Variants in MCFD2 observed in about 807,000 individuals in gnomAD.
MCFD2 encodes the protein multiple coagulation factor deficiency protein 2.
Under a neutral mutation model 12.8 loss-of-function variants are expected in MCFD2, and 11 were observed. That is an observed-to-expected ratio of 0.86 (90% CI 0.54 to 1.42). The LOEUF is 1.42. Among genes scored for constraint, MCFD2 ranks in the 40% most tolerant of loss-of-function variants. The pLI is 0.00. For synonymous variants in MCFD2, 70 were observed against 68.1 expected (o/e 1.03, Z -0.14); for missense variants, 191 against 178.6 (o/e 1.07, Z -0.40).
At position 46,941,734 on chromosome 2, in the gene MCFD2, G is replaced by T; in HGVS notation, c.-170C>A. On this transcript the variant is annotated 5_prime_UTR_variant, in exon 1 of 3. Coordinates refer to the MCFD2 transcript ENST00000409147. This position sits in a 1 kb window ranked among gnomAD's most constrained non-coding sequence, Gnocchi z 4.2. ...CACCTTTCCGGACACCGGTGAGTAA[G>T]GGAAGAGGCTGGCTCGCCGGCAGCG... The T allele has an allele frequency of 6.5e-7, 1 of 1,549,182 alleles. No individual in the cohort carries two copies. Among genetic ancestry groups the T allele is most frequent in the Non-Finnish European group, 8.7e-7 (1 of 1,146,598 alleles).
upstream of MCFD2, chr2:46,916,073 CA>C: frequency 1.0e-6 from 1 of 985,500 alleles, no homozygotes; most frequent in Non-Finnish European, 1.2e-6. Context: ...CGGAAGCCCT[CA>C]GGAACGTAGT....
At chr2:46,917,966 C>A (rs1278432294), upstream of MCFD2, among the ~76,000 whole-genome samples, 2 of 152,184 alleles carry the variant, frequency 1.3e-5, no homozygotes, top group East Asian at 3.8e-4. Flanking sequence ...TTCTGAGTCA[C>A]CTTCTCTATC....
At chr2:46,915,679 C>T (rs898494135) in intron 1 of MCFD2, 44 bp downstream of exon 1, 5 of 789,192 alleles carry the variant, frequency 6.3e-6, no homozygotes, top group Non-Finnish European at 7.7e-6. Flanking sequence ...ACAGGAGAGG[C>T]GCCGGGATCC....
In MCFD2 at chr2:46,908,670, G is replaced by C. The variant is rs113033916; in HGVS notation, c.149+353C>G. 1.7e-5 allele frequency: 6 copies of C among 357,958 alleles called. 1 individual carries two copies. The highest frequency in any genetic ancestry group is 1.0e-4 in the African/African-American group (5 of 47,666). 22.2% of individuals were successfully genotyped at this position (357,958 alleles called of 1,614,324 possible). A position where few individuals can be genotyped will look rare whatever the true frequency, so the allele number is the denominator to read the frequency against. ...AATGTGTTGATTTAAAAAAGGTCTT[G>C]TTATAGTCAAGAAACCTTAGCTATT... On this transcript the variant is annotated intron_variant, in intron 2 of 3. Coordinates refer to ENST00000319466, the MANE Select transcript of MCFD2 (RefSeq NM_139279.6). This position sits in a 1 kb window ranked among gnomAD's most constrained non-coding sequence, Gnocchi z 4.5.
chr2:46,906,477 T>A (rs1397799485), intron 3 of MCFD2, among the ~76,000 whole-genome samples: 1 of 110,892 alleles, frequency 9.0e-6, no homozygotes, highest in African/African-American at 3.9e-5. Context: ...GCACGAGGAT[T>A]TTTTTTTTTT....
At chr2:46,932,204 C>T (rs1229449001) in intron 1 of MCFD2, among the ~76,000 whole-genome samples, 1 of 151,250 alleles carries the variant, frequency 6.6e-6, no homozygotes, top group African/African-American at 2.4e-5. Context: ...GGCTGGAGTG[C>T]AGTGGCGGGG....
chr2:46,920,613 G>T (rs919981054), upstream of MCFD2, among the ~76,000 whole-genome samples: 8 of 150,234 alleles, frequency 5.3e-5, no homozygotes, highest in Non-Finnish European at 1.2e-4. Flanking sequence ...TTATAGGCAT[G>T]AACCACCATG....
Position 46,908,984 on chromosome 2 carries a change from G to A in MCFD2, c.149+39C>T. On this transcript the variant is annotated intron_variant, in intron 2 of 3. Transcript: ENST00000319466. This position sits in a 1 kb window ranked among gnomAD's most constrained non-coding sequence, Gnocchi z 4.5. The stretch of plus-strand genomic sequence containing the variant: ...TGCCGCTGGCTCAGCTGCAGATGAT[G>A]GGGAGGCCACTGGACCACAGCCCGG... The A allele has an allele frequency of 1.2e-6, 2 of 1,613,792 alleles. No individual in the cohort carries two copies. The highest frequency in any genetic ancestry group is 1.7e-6 in the Non-Finnish European group (2 of 1,179,736).
At chr2:46,933,032 A>G (rs1669793690) in intron 1 of MCFD2, among the ~76,000 whole-genome samples, 1 of 152,118 alleles carries the variant, frequency 6.6e-6, no homozygotes, top group South Asian at 2.1e-4. Flanking sequence ...GCTAAGCTGC[A>G]CTGAAAAGGC....
rs149363149 is a variant in MCFD2, at chr2:46,904,894, C to T, written c.*569G>A. The T allele has an allele frequency of 3.4e-3, 657 of 192,042 alleles. 3 individuals are homozygous for T. Among genetic ancestry groups the T allele is most frequent in the African/African-American group, 0.015 (630 of 42,336 alleles). The allele number at this position is 192,042 out of a possible 1,614,324, so 11.9% of individuals were successfully genotyped here. Reference sequence around the variant, plus strand: ...ATGATATGGTTTGGCTATGTCCCCACCCAAATCTCAACTTGAAATTGTATC... The same window carrying T: ...ATGATATGGTTTGGCTATGTCCCCATCCAAATCTCAACTTGAAATTGTATC... On this transcript the variant is annotated 3_prime_UTR_variant, in exon 4 of 4. Transcript: ENST00000319466.
chr2:46,905,782 T>C, intron 3 of MCFD2, 188 bp from the exon 4 acceptor site: 1 of 651,640 alleles, frequency 1.5e-6, no homozygotes, highest in South Asian at 1.7e-5. Flanking sequence ...AGTATGGGGC[T>C]ACTTCTAGGA....
chr2:46,936,859 ATTT>A (rs67502094), intron 1 of MCFD2, among the ~76,000 whole-genome samples: 2 of 142,880 alleles, frequency 1.4e-5, no homozygotes, highest in Non-Finnish European at 1.5e-5. Flanking sequence ...AGGATTCCAA[ATTT>A]TTTTTTTTTT....
At chr2:46,923,995 C>T (rs1669252533) in intron 1 of MCFD2, among the ~76,000 whole-genome samples, 1 of 151,932 alleles carries the variant, frequency 6.6e-6, no homozygotes, top group Non-Finnish European at 1.5e-5. Flanking sequence ...CTCGGCCTCC[C>T]AAAGTGCTGG....
At chr2:46,938,455 ATTCTC>A (rs1162493123) in intron 1 of MCFD2, among the ~76,000 whole-genome samples, 5 of 152,072 alleles carry the variant, frequency 3.3e-5, no homozygotes, top group Non-Finnish European at 7.4e-5. Context: ...CCGAGGGGGT[ATTCTC>A]TTCTACTTTG....
At chr2:46,932,761 A>C (rs13398748) in intron 1 of MCFD2, among the ~76,000 whole-genome samples, 8,658 of 151,534 alleles carry the variant, frequency 0.057, 299 homozygotes, top group African/African-American at 0.09. Flanking sequence ...ATTAGCCAAG[A>C]GTGGTGGTGC....
In MCFD2 at chr2:46,937,017, G is replaced by A. The variant is rs965570361; in HGVS notation, c.-8+4555C>T. Among the ~76,000 whole-genome samples the A allele has an allele frequency of 2.0e-5, 3 of 151,922 alleles. No homozygotes were observed. Among genetic ancestry groups the A allele is most frequent in the Non-Finnish European group, 4.4e-5 (3 of 67,986 alleles). On this transcript the variant is annotated intron_variant, in intron 1 of 2. Coordinates refer to the MCFD2 transcript ENST00000409147. The surrounding 1 kb of genome is among the most constrained non-coding windows in gnomAD (Gnocchi z 4.0). Reference sequence around the variant, plus strand: ...CCACAGGCACCTGCCCACCATGCCAGGCTAATTTTTGTATTTTTTGTAGAG... The same window carrying A: ...CCACAGGCACCTGCCCACCATGCCAAGCTAATTTTTGTATTTTTTGTAGAG...
chr2:46,933,385 CAA>C (rs912579508), intron 1 of MCFD2, among the ~76,000 whole-genome samples: 3 of 152,198 alleles, frequency 2.0e-5, no homozygotes, highest in African/African-American at 7.2e-5. Context: ...ATTAATATAA[CAA>C]ATAATTACTG....
At chr2:46,922,570 A>T (rs985908504) in intron 1 of MCFD2, among the ~76,000 whole-genome samples, 4 of 152,076 alleles carry the variant, frequency 2.6e-5, no homozygotes, top group South Asian at 2.1e-4. Flanking sequence ...CAAGGCCAAG[A>T]TATACAGCTT....
chr2:46,919,273 G>T (rs1159028272), upstream of MCFD2, among the ~76,000 whole-genome samples: 1 of 152,204 alleles, frequency 6.6e-6, no homozygotes, highest in Admixed American at 6.5e-5. Context: ...GGTGGCTCAC[G>T]CCTGTAATCC....
Sources: allele counts gnomAD v4.1 joint callset (sites outside exome capture counted in the v4.1 genomes callset), GRCh38; gene constraint gnomAD v4.1.1; non-coding constraint Gnocchi (gnomAD v3.1); transcripts MANE v1.5; gene names NCBI Gene and HGNC (gene_info 2026-07-23, HGNC 2026-07-21).